SIK2: variants seen among roughly 807,000 people sequenced by gnomAD.
SIK2 encodes salt inducible kinase 2, also known as serine/threonine-protein kinase SIK2.
A neutral mutation model predicts 103.2 loss-of-function variants in SIK2; 29 were observed. That is an observed-to-expected ratio of 0.28 (90% CI 0.21 to 0.38). SIK2 has a LOEUF of 0.38. Ranked by LOEUF, SIK2 falls within the 10% of genes least tolerant of loss-of-function variation. The pLI, the probability that SIK2 is intolerant of heterozygous loss-of-function variation, is 1.00. For missense variants in SIK2, 879 were observed against 1,171.0 expected, an observed-to-expected ratio of 0.75 and a Z score of 3.64; for synonymous variants, 412 against 446.1, an observed-to-expected ratio of 0.92 and a Z score of 0.96.
chr11:111,621,441 T>C lies in SIK2; in HGVS notation c.316+1039T>C, dbSNP rs533006108. On this transcript the variant is annotated intron_variant, in intron 3 of 14. Transcript: ENST00000304987. ...GTATATATCAACATATAATTTCTTTTTATTGCAAGTAGTATTATATTATAT... is the reference window on the plus strand; with the variant it reads ...GTATATATCAACATATAATTTCTTTCTATTGCAAGTAGTATTATATTATAT... 1.7e-4 allele frequency among the ~76,000 whole-genome samples: 26 copies of C among 152,368 alleles called. 2 individuals are homozygous for C. In the South Asian group the frequency reaches 5.4e-3, roughly 32 times the overall value.
At chr11:111,645,165 G>T (rs962760176) in intron 3 of SIK2, among the ~76,000 whole-genome samples, 10 of 152,140 alleles carry the variant, frequency 6.6e-5, no homozygotes, top group African/African-American at 2.4e-4. Context: ...CATACTACTG[G>T]TGACATATAA....
rs192542186 is a variant in SIK2, at chr11:111,630,552, A to G, written c.316+10150A>G. On this transcript the variant is annotated intron_variant, in intron 3 of 14. Coordinates refer to ENST00000304987, the MANE Select transcript of SIK2 (RefSeq NM_015191.3). ...GTATAGATTTGAGGATTACCTGAAT[A>G]GAAGTGATCAATGAAGCTGTAATAA... Among the ~76,000 whole-genome samples the G allele has an allele frequency of 1.1e-4, 16 of 152,326 alleles. No homozygotes were observed. The East Asian group carries it at 3.1e-3, about 29-fold the overall frequency.
intron 3 of SIK2, among the ~76,000 whole-genome samples, chr11:111,631,092 T>C (rs1942031247): frequency 1.3e-5 from 2 of 151,982 alleles, no homozygotes; most frequent in South Asian, 4.2e-4. Flanking sequence ...AAGAGAGGAA[T>C]TCCTCCTTCT....
rs142240807 is a variant in SIK2 at position 111,612,534 on chromosome 11, G to A, written c.136-3709G>A. Among the ~76,000 whole-genome samples, 7 of 152,260 alleles carry A rather than the reference G, an allele frequency of 4.6e-5. No individual in the cohort carries two copies. In the East Asian group the frequency reaches 1.3e-3, roughly 29 times the overall value. ...CCCTTGCATTTAGGTGTGGTCATATGCGGAGTTCTAACTAATGGAATGAAC... is the reference window on the plus strand; with the variant it reads ...CCCTTGCATTTAGGTGTGGTCATATACGGAGTTCTAACTAATGGAATGAAC... On this transcript the variant is annotated intron_variant, in intron 1 of 14. Coordinates refer to ENST00000304987, the MANE Select transcript of SIK2 (RefSeq NM_015191.3).
At chr11:111,636,223 C>G (rs1253413195) in intron 3 of SIK2, among the ~76,000 whole-genome samples, 1 of 152,162 alleles carries the variant, frequency 6.6e-6, no homozygotes, top group East Asian at 1.9e-4. Flanking sequence ...TGGTGAATGT[C>G]TTTCTGCTTT....
intron 1 of SIK2, among the ~76,000 whole-genome samples, chr11:111,608,214 T>C (rs1460734994): frequency 1.3e-5 from 2 of 152,198 alleles, no homozygotes; most frequent in African/African-American, 4.8e-5. Flanking sequence ...TTTTGAGATA[T>C]TAGAAGATCG....
intron 8 of SIK2, among the ~76,000 whole-genome samples, chr11:111,708,451 C>T (rs11213984): frequency 6.6e-6 from 1 of 152,070 alleles, no homozygotes; most frequent in African/African-American, 2.4e-5. Context: ...TGGGATTCCC[C>T]TCTTAGATTT....
At chr11:111,698,653 G>A (rs1943136515) in intron 4 of SIK2, among the ~76,000 whole-genome samples, 1 of 152,180 alleles carries the variant, frequency 6.6e-6, no homozygotes, top group African/African-American at 2.4e-5. Flanking sequence ...GAGGACTGCA[G>A]TGAGCTGAGA....
intron 3 of SIK2, among the ~76,000 whole-genome samples, chr11:111,651,910 A>G (rs1329794776): frequency 6.6e-6 from 1 of 152,210 alleles, no homozygotes; most frequent in South Asian, 2.1e-4. Context: ...GATAATTTTA[A>G]TGGAAGTCAT....
intron 3 of SIK2, among the ~76,000 whole-genome samples, chr11:111,669,279 T>C (rs1277202685): frequency 2.0e-5 from 3 of 152,224 alleles, no homozygotes; most frequent in Non-Finnish European, 4.4e-5. Flanking sequence ...TTTATTTCTC[T>C]CAGAATCTAA....
At chr11:111,608,773 T>C (rs1281155798) in intron 1 of SIK2, among the ~76,000 whole-genome samples, 1 of 152,168 alleles carries the variant, frequency 6.6e-6, no homozygotes, top group Non-Finnish European at 1.5e-5. Context: ...TACATACATC[T>C]TTGTGCATGT....
At chr11:111,612,944 ATATT>A (rs1565307046) in intron 1 of SIK2, among the ~76,000 whole-genome samples, 1 of 147,694 alleles carries the variant, frequency 6.8e-6, no homozygotes, top group African/African-American at 2.5e-5. Flanking sequence ...ATATATATAT[ATATT>A]TATGATCATA....
chr11:111,704,052 CAAGA>C (rs1943279479), intron 7 of SIK2, among the ~76,000 whole-genome samples: 1 of 152,194 alleles, frequency 6.6e-6, no homozygotes, highest in Non-Finnish European at 1.5e-5. Flanking sequence ...AGAAACATAA[CAAGA>C]AAGAATATCA....
chr11:111,720,993 A>T lies in SIK2; in HGVS notation c.1875A>T (p.Gly625=). 6.2e-7 allele frequency: 1 copy of T among 1,614,182 alleles called. No homozygotes were observed. Among genetic ancestry groups the T allele is most frequent in the Non-Finnish European group, 8.5e-7 (1 of 1,180,036 alleles). The change falls in exon 12 of 15, where the codon GGA becomes GGT. Residue 625 remains glycine (G), a synonymous_variant. Transcript: ENST00000304987. ...TGCAGTTGTTGTATGAACAAATAGG[A>T]CCGGAGGCAGACCCTAACCTGGCGC... ...NKVQLLYEQI[G]PEADPNLAPA...
intron 3 of SIK2, among the ~76,000 whole-genome samples, chr11:111,669,036 T>C (rs1040231156): frequency 6.6e-6 from 1 of 152,246 alleles, no homozygotes; most frequent in Non-Finnish European, 1.5e-5. Context: ...AATACTTTAT[T>C]AATGAATGAA....
At chr11:111,606,908 G>T (rs1351751438) in intron 1 of SIK2, among the ~76,000 whole-genome samples, 4 of 150,770 alleles carry the variant, frequency 2.7e-5, no homozygotes, top group African/African-American at 9.7e-5. Flanking sequence ...GAGGCCAGGA[G>T]TTGGAGACCA....
chr11:111,698,094 G>A (rs780011479), intron 4 of SIK2, among the ~76,000 whole-genome samples: 10 of 152,186 alleles, frequency 6.6e-5, no homozygotes, highest in African/African-American at 1.7e-4. Flanking sequence ...ACAGCTTAGT[G>A]AGCCTGTCTT....
chr11:111,604,984 G>A (rs1214146021), intron 1 of SIK2, among the ~76,000 whole-genome samples: 1 of 146,390 alleles, frequency 6.8e-6, no homozygotes, highest in Non-Finnish European at 1.5e-5. Context: ...TTGAGACGGA[G>A]CCTCGCTCTT....
At chr11:111,655,558 C>G (rs1007603123) in intron 3 of SIK2, among the ~76,000 whole-genome samples, 10 of 152,108 alleles carry the variant, frequency 6.6e-5, no homozygotes, top group Non-Finnish European at 8.8e-5. Flanking sequence ...TGGGGATAAT[C>G]TGCTGTATTT....
Sources: allele counts gnomAD v4.1 joint callset (sites outside exome capture counted in the v4.1 genomes callset), GRCh38; gene constraint gnomAD v4.1.1; transcripts MANE v1.5; gene names NCBI Gene and HGNC (gene_info 2026-07-23, HGNC 2026-07-21).